The following PKM variants were observed in gnomAD, a reference collection of about 807,000 sequenced individuals.
The protein encoded by PKM is pyruvate kinase PKM.
Under a neutral mutation model 49.8 loss-of-function variants are expected in PKM, and 18 were observed. The ratio of observed to expected loss-of-function variants is 0.36; its 90% confidence interval spans 0.25 to 0.54. PKM has a LOEUF of 0.54. Ranked by LOEUF, PKM falls within the 20% of genes least tolerant of loss-of-function variation. PKM has a pLI of 0.89. For synonymous variants in PKM, 239 were observed against 261.8 expected, an observed-to-expected ratio of 0.91 and a Z score of 0.84; for missense variants, 508 against 713.8, an observed-to-expected ratio of 0.71 and a Z score of 3.28.
intron 1 of PKM, chr15:72,221,126 C>A: frequency 1.8e-6 from 2 of 1,122,710 alleles, no homozygotes; most frequent in Non-Finnish European, 2.6e-6. Flanking sequence ...TGAGGGTCTT[C>A]CTGTAAAGAC....
chr15:72,231,047 G>A (rs1284237827), intron 1 of PKM, 69 bp downstream of exon 1: 2 of 975,452 alleles, frequency 2.1e-6, no homozygotes, highest in East Asian at 6.2e-5. Flanking sequence ...CCGGCGCGCC[G>A]GGATTCCGCA....
chr15:72,221,278 T>C, intron 1 of PKM: 1 of 1,529,624 alleles, frequency 6.5e-7, no homozygotes, highest in Non-Finnish European at 8.8e-7. Flanking sequence ...CGGTGTGCCC[T>C]GGAGAGCTGC....
In PKM at chr15:72,202,304, C is replaced by T. The variant is rs1596719426; in HGVS notation, c.1307+150G>A. ...TTGGGCCCAGGGAAGGGGCTCTGCT[C>T]AATCCTTCCCTGCAGGCCCAAGGTG... On this transcript the variant is annotated intron_variant, in intron 9 of 10. Coordinates refer to ENST00000335181, the MANE Select transcript of PKM (RefSeq NM_002654.6). The surrounding 1 kb of genome is among the most constrained non-coding windows in gnomAD (Gnocchi z 4.5). 1 of 778,408 alleles carries T rather than the reference C, an allele frequency of 1.3e-6. No individual in the cohort carries two copies. Among genetic ancestry groups the T allele is most frequent in the East Asian group, 2.7e-5 (1 of 37,342 alleles). The allele number at this position is 778,408 out of a possible 1,614,324, so 48.2% of individuals were successfully genotyped here.
intron 8 of PKM, chr15:72,206,354 T>C: frequency 3.7e-6 from 1 of 270,454 alleles, no homozygotes; most frequent in Admixed American, 4.9e-5. Flanking sequence ...AGGGCAAAGG[T>C]ACTCAGAACT....
rs1596823956 is a variant in PKM, at chr15:72,231,126, G to C, written c.-24C>G. On this transcript the variant is annotated 5_prime_UTR_variant, in exon 1 of 11. Transcript: ENST00000335181. ...TCCTGCACCGCTCACCTCCGGCGCTGACCGACTCGGGCTACGCTGCAAAGA... is the reference window on the plus strand; with the variant it reads ...TCCTGCACCGCTCACCTCCGGCGCTCACCGACTCGGGCTACGCTGCAAAGA... 2.9e-6 allele frequency: 1 copy of C among 344,010 alleles called. No homozygotes were observed. The highest frequency in any genetic ancestry group is 2.2e-5 in the South Asian group (1 of 46,050). The allele number at this position is 344,010 out of a possible 1,614,324, so 21.3% of individuals were successfully genotyped here.
intron 1 of PKM, among the ~76,000 whole-genome samples, chr15:72,227,753 AAAAAAAAAAAAAAAAAAAAAAC>A (rs1229034388): frequency 6.0e-5 from 8 of 133,552 alleles, no homozygotes; most frequent in South Asian, 2.5e-4. Flanking sequence ...TCAAAAAAAA[AAAAAAAAAAAAAAAAAAAAAAC>A]AAAAAACTGA....
rs1035644483 is a variant in PKM, at chr15:72,223,231, T to C, written c.-13-4121A>G. Among the ~76,000 whole-genome samples the C allele has an allele frequency of 3.3e-5, 5 of 152,048 alleles. No individual in the cohort carries two copies. The East Asian group carries it at 9.6e-4, about 29-fold the overall frequency. On this transcript the variant is annotated intron_variant, in intron 1 of 10. Transcript: ENST00000335181. The stretch of plus-strand genomic sequence containing the variant: ...TGTTGTTGGGTTGTGCTGGGAAAGA[T>C]TCACGCTTCACTCCACCAATTCTTC...
At chr15:72,229,854 C>A (rs1742584595) in intron 1 of PKM, 1 of 191,524 alleles carries the variant, frequency 5.2e-6, no homozygotes, top group Non-Finnish European at 9.8e-6. Context: ...CCACCCCACC[C>A]CGCGGCCTCC....
chr15:72,209,416 T>TATATATATATATAC (rs2082177067), intron 5 of PKM: 1 of 7,542 alleles, frequency 1.3e-4, no homozygotes, highest in African/African-American at 2.5e-4. Context: ...TATATATATA[T>TATATATATATATAC]ATATATATAT....
At chr15:72,225,402 G>C (rs912386180) in intron 1 of PKM, among the ~76,000 whole-genome samples, 7 of 151,148 alleles carry the variant, frequency 4.6e-5, no homozygotes, top group African/African-American at 1.7e-4. Flanking sequence ...GGCTGGTCTC[G>C]ACCTCCTGGC....
Position 72,207,933 on chromosome 15 carries a change from G to A in PKM, c.837-656C>T, listed in dbSNP as rs182344782. On this transcript the variant is annotated intron_variant, in intron 6 of 10. Transcript: ENST00000335181. The stretch of plus-strand genomic sequence containing the variant: ...CCAAACACACTTCTAATCCACAAGA[G>A]TGTGTCTAGCATCTTAGTTGTGCTG... Among the ~76,000 whole-genome samples the A allele has an allele frequency of 2.6e-4, 40 of 152,378 alleles. No individual in the cohort carries two copies. In the Middle Eastern group the frequency reaches 0.01, roughly 39 times the overall value.
intron 7 of PKM, 49 bp downstream of exon 7, chr15:72,207,078 C>T: frequency 6.2e-7 from 1 of 1,607,822 alleles, no homozygotes; most frequent in African/African-American, 1.3e-5. Flanking sequence ...CTTTCCCATA[C>T]AAACATGCGA....
intron 1 of PKM, chr15:72,221,349 C>G (rs1333858245): frequency 1.1e-6 from 1 of 935,080 alleles, no homozygotes; most frequent in Non-Finnish European, 1.6e-6. Context: ...GAAAAATTAC[C>G]TTAATAACCA....
intron 1 of PKM, among the ~76,000 whole-genome samples, chr15:72,221,835 A>T (rs186909639): frequency 6.6e-6 from 1 of 151,624 alleles, no homozygotes; most frequent in African/African-American, 2.4e-5. Context: ...AAAAAACGAT[A>T]CAAGTCTTAG....
At chr15:72,210,090 G>A (rs1596750684) in intron 4 of PKM, 2 of 617,718 alleles carry the variant, frequency 3.2e-6, no homozygotes, top group East Asian at 2.7e-5. Flanking sequence ...ACAAAGAGAT[G>A]GTTCTCCAAG....
At chr15:72,222,855 T>C (rs1243047787) in intron 1 of PKM, among the ~76,000 whole-genome samples, 1 of 152,056 alleles carries the variant, frequency 6.6e-6, no homozygotes, top group Non-Finnish European at 1.5e-5. Flanking sequence ...CAATCACAGC[T>C]CAGCTCCAAG....
Position 72,202,129 on chromosome 15 carries a change from G to A in PKM, c.1307+325C>T. On this transcript the variant is annotated intron_variant, in intron 9 of 10. Coordinates refer to ENST00000335181, the MANE Select transcript of PKM (RefSeq NM_002654.6). This position sits in a 1 kb window ranked among gnomAD's most constrained non-coding sequence, Gnocchi z 4.5. ...ATAGTAACTGGAATAAGCAAAAGTG[G>A]TTATCTTTTACAATTTTAGAGGACT... The A allele has an allele frequency of 5.2e-6, 2 of 381,190 alleles. No homozygotes were observed. The highest frequency in any genetic ancestry group is 4.9e-6 in the Non-Finnish European group (1 of 204,254). The allele number at this position is 381,190 out of a possible 1,614,324, so 23.6% of individuals were successfully genotyped here. A position where few individuals can be genotyped will look rare whatever the true frequency, so the allele number is the denominator to read the frequency against.
intron 1 of PKM, among the ~76,000 whole-genome samples, chr15:72,230,415 G>A (rs888863453): frequency 6.6e-6 from 1 of 152,216 alleles, no homozygotes; most frequent in Non-Finnish European, 1.5e-5. Flanking sequence ...TGATGGAAAA[G>A]GGGGGTGGGA....
intron 3 of PKM, among the ~76,000 whole-genome samples, chr15:72,212,484 GAAAAAA>G (rs56161510): frequency 2.3e-5 from 3 of 133,056 alleles, no homozygotes; most frequent in African/African-American, 8.4e-5. Flanking sequence ...GTCTCTAAAA[GAAAAAA>G]AAAAAAAAGA....
Sources: allele counts gnomAD v4.1 joint callset (sites outside exome capture counted in the v4.1 genomes callset), GRCh38; gene constraint gnomAD v4.1.1; non-coding constraint Gnocchi (gnomAD v3.1); transcripts MANE v1.5; gene names NCBI Gene and HGNC (gene_info 2026-07-23, HGNC 2026-07-21).